Variants in SLC2A13 observed in about 807,000 individuals in gnomAD.
The protein encoded by SLC2A13 is solute carrier family 2 member 13, also known as proton myo-inositol cotransporter.
SLC2A13 carries 32 observed loss-of-function variants against 64.4 expected under a neutral mutation model. The ratio of observed to expected loss-of-function variants is 0.50; its 90% CI spans 0.37 to 0.67. SLC2A13 has a LOEUF of 0.67. Among genes scored for constraint, SLC2A13 ranks in the 30% least tolerant of loss-of-function variants. SLC2A13 has a pLI of 0.00. For missense variants in SLC2A13, 743 were observed against 829.2 expected, an observed-to-expected ratio of 0.90 and a Z score of 1.28; for synonymous variants, 338 against 327.1, an observed-to-expected ratio of 1.03 and a Z score of -0.36.
In SLC2A13 at chr12:39,830,447, C is replaced by A. The variant is rs1942821897; in HGVS notation, c.1320-219G>T. ...TTTTGGCCACAGCAACTTTGGAAGT[C>A]ACTTTGAGCTGAAGGAGGCTTGGAT... On this transcript the variant is annotated intron_variant, in intron 6 of 9. Transcript: ENST00000280871. 6 of 1,259,068 alleles carry A rather than the reference C, an allele frequency of 4.8e-6. No individual in the cohort carries two copies. In the South Asian group the frequency reaches 1.3e-4, roughly 27 times the overall value. 78.0% of individuals were successfully genotyped at this position (1,259,068 alleles called of 1,614,324 possible).
At chr12:39,993,155 A>C (rs1947168659) in intron 3 of SLC2A13, among the ~76,000 whole-genome samples, 2 of 152,240 alleles carry the variant, frequency 1.3e-5, no homozygotes, top group Non-Finnish European at 2.9e-5. Flanking sequence ...TTTAATTCTC[A>C]AATATAAAAC....
rs528570067 is a variant in SLC2A13 at position 39,797,081 on chromosome 12, G to C, written c.1446-32223C>G. Among the ~76,000 whole-genome samples, 4 of 152,212 alleles carry C rather than the reference G, an allele frequency of 2.6e-5. No individual in the cohort carries two copies. The South Asian group carries it at 8.3e-4, about 32-fold the overall frequency. On this transcript the variant is annotated intron_variant, in intron 7 of 9. Transcript: ENST00000280871. ...TATTTGATAACTTGTGTAGGCACCC[G>C]ATAATGGAAACTATTCAACAGTAAG...
intron 5 of SLC2A13, 109 bp from the exon 6 acceptor site, chr12:39,864,991 G>GA (rs902176176): frequency 4.5e-3 from 4,371 of 980,218 alleles, no homozygotes; most frequent in Middle Eastern, 8.1e-3. Flanking sequence ...AAAAACTCCT[G>GA]AAAAAAAAAT....
At chr12:40,001,014 A>G (rs1461655980) in intron 3 of SLC2A13, among the ~76,000 whole-genome samples, 2 of 152,204 alleles carry the variant, frequency 1.3e-5, no homozygotes, top group African/African-American at 4.8e-5. Flanking sequence ...CCAAGAGGAG[A>G]AATGATAAGA....
chr12:39,863,447 T>C (rs1051287675), intron 6 of SLC2A13, among the ~76,000 whole-genome samples: 2 of 152,202 alleles, frequency 1.3e-5, no homozygotes, highest in African/African-American at 4.8e-5. Context: ...ACAGTATTTC[T>C]GAACAATACA....
intron 2 of SLC2A13, among the ~76,000 whole-genome samples, chr12:40,042,334 A>G (rs993358794): frequency 4.6e-5 from 7 of 152,142 alleles, no homozygotes; most frequent in African/African-American, 1.7e-4. Flanking sequence ...CCCTATTAAT[A>G]CAAATCACAT....
chr12:40,023,169 T>C (rs1033403755), intron 3 of SLC2A13, among the ~76,000 whole-genome samples: 1 of 152,244 alleles, frequency 6.6e-6, no homozygotes, highest in African/African-American at 2.4e-5. Context: ...TGTATGTTTC[T>C]CTAGAGAAAG....
chr12:40,091,798 A>C (rs1357660964), intron 1 of SLC2A13, among the ~76,000 whole-genome samples: 1 of 152,216 alleles, frequency 6.6e-6, no homozygotes, highest in Non-Finnish European at 1.5e-5. Context: ...AAATATGTTG[A>C]TGTCTGTCTC....
intron 4 of SLC2A13, among the ~76,000 whole-genome samples, chr12:39,939,702 T>A (rs774991887): frequency 6.6e-6 from 1 of 152,244 alleles, no homozygotes; most frequent in Non-Finnish European, 1.5e-5. Flanking sequence ...ATGATCAGCA[T>A]GTGGTAAGCA....
At chr12:39,965,484 T>C (rs1354505777) in intron 3 of SLC2A13, among the ~76,000 whole-genome samples, 1 of 152,184 alleles carries the variant, frequency 6.6e-6, no homozygotes, top group African/African-American at 2.4e-5. Flanking sequence ...TGGGTTCAAA[T>C]GACTTTTAAA....
intron 4 of SLC2A13, among the ~76,000 whole-genome samples, chr12:39,918,157 T>A (rs563962814): frequency 6.6e-6 from 1 of 152,216 alleles, no homozygotes; most frequent in South Asian, 2.1e-4. Context: ...TCCCAAATTA[T>A]GACATCCACA....
Position 40,025,605 on chromosome 12 carries a change from T to C in SLC2A13, c.925+2696A>G, listed in dbSNP as rs995080301. ...ATGTTTGATAACACATTCCTCCTTA[T>C]AAGAAATAGGGTGTCTTAAACAACG... On this transcript the variant is annotated intron_variant, in intron 3 of 9. Transcript: ENST00000280871. Among the ~76,000 whole-genome samples, 4 of 152,210 alleles carry C rather than the reference T, an allele frequency of 2.6e-5. No homozygotes were observed. The South Asian group carries it at 6.2e-4, about 24-fold the overall frequency.
At chr12:39,961,122 G>A (rs1238707000) in intron 3 of SLC2A13, among the ~76,000 whole-genome samples, 1 of 151,358 alleles carries the variant, frequency 6.6e-6, no homozygotes, top group Non-Finnish European at 1.5e-5. Flanking sequence ...TCTGTCATCA[G>A]GCTGGAGTGC....
At chr12:39,820,555 A>C (rs1297326713) in intron 7 of SLC2A13, among the ~76,000 whole-genome samples, 1 of 152,064 alleles carries the variant, frequency 6.6e-6, no homozygotes, top group East Asian at 1.9e-4. Flanking sequence ...CCTGGATACC[A>C]AATGATGTGT....
intron 3 of SLC2A13, among the ~76,000 whole-genome samples, chr12:40,009,877 T>A (rs1947496849): frequency 6.6e-6 from 1 of 152,270 alleles, no homozygotes; most frequent in Non-Finnish European, 1.5e-5. Context: ...GTCTCATTCA[T>A]AATTTTCTAT....
chr12:39,901,157 T>C (rs1224734808), intron 4 of SLC2A13, among the ~76,000 whole-genome samples: 1 of 152,114 alleles, frequency 6.6e-6, no homozygotes, highest in Non-Finnish European at 1.5e-5. Flanking sequence ...TGAAACTGGA[T>C]CCCTTCCTTA....
intron 7 of SLC2A13, among the ~76,000 whole-genome samples, chr12:39,816,935 G>T (rs899861634): frequency 3.9e-5 from 6 of 152,072 alleles, no homozygotes; most frequent in Non-Finnish European, 8.8e-5. Flanking sequence ...TATACACTGG[G>T]TATGCTTTAT....
intron 6 of SLC2A13, among the ~76,000 whole-genome samples, chr12:39,835,357 AG>A (rs1377888843): frequency 6.6e-6 from 1 of 152,128 alleles, no homozygotes; most frequent in African/African-American, 2.4e-5. Context: ...AAAACCTATT[AG>A]AATGCTGCAA....
At chr12:39,866,349 T>C (rs1943910802) in intron 5 of SLC2A13, among the ~76,000 whole-genome samples, 1 of 152,212 alleles carries the variant, frequency 6.6e-6, no homozygotes, top group Admixed American at 6.5e-5. Flanking sequence ...AGCTTTGCTG[T>C]TTCCTGACTC....
Sources: gnomAD v4.1 joint callset for allele counts (sites outside exome capture counted in the v4.1 genomes callset) on GRCh38, gnomAD v4.1.1 for gene constraint, MANE v1.5 for transcripts, NCBI Gene and HGNC (gene_info 2026-07-23, HGNC 2026-07-21) for gene names.